Variants in LARGE1 observed in about 807,000 individuals in gnomAD.
The protein encoded by LARGE1 is LARGE xylosyl- and glucuronyltransferase 1, also known as xylosyl- and glucuronyltransferase LARGE1.
Under a neutral mutation model 87.6 loss-of-function variants are expected in LARGE1, and 43 were observed. The ratio of observed to expected loss-of-function variants is 0.49; its 90% CI spans 0.38 to 0.63. The LOEUF (loss-of-function observed/expected upper bound fraction) is 0.63, where lower values mean the gene tolerates loss of function less well. Among genes scored for constraint, LARGE1 ranks in the 30% least tolerant of loss-of-function variants. The pLI is 0.00. For synonymous variants in LARGE1, 434 were observed against 394.6 expected, an observed-to-expected ratio of 1.10 and a Z score of -1.18; for missense variants, 802 against 1,000.2, an observed-to-expected ratio of 0.80 and a Z score of 2.67.
At chr22:33,504,470 G>A (rs2070669465) in intron 6 of LARGE1, among the ~76,000 whole-genome samples, 1 of 152,216 alleles carries the variant, frequency 6.6e-6, no homozygotes, top group Non-Finnish European at 1.5e-5. Flanking sequence ...ACGTCGGCCA[G>A]GCTGGTCTCA....
At chr22:33,486,696 T>TA (rs1328825480) in intron 6 of LARGE1, among the ~76,000 whole-genome samples, 1 of 152,208 alleles carries the variant, frequency 6.6e-6, no homozygotes. Context: ...CTTTGGCAAC[T>TA]GTCACACTTC....
chr22:33,503,906 A>G (rs903611839), intron 6 of LARGE1, among the ~76,000 whole-genome samples: 1 of 152,214 alleles, frequency 6.6e-6, no homozygotes, highest in African/African-American at 2.4e-5. Flanking sequence ...GGATAAACAA[A>G]ATGTGGTTTA....
chr22:33,759,695 C>A (rs1175332614), intron 2 of LARGE1, among the ~76,000 whole-genome samples: 3 of 152,118 alleles, frequency 2.0e-5, no homozygotes, highest in African/African-American at 7.2e-5. Flanking sequence ...AGTCAATGTT[C>A]TACTTATTAA....
intron 4 of LARGE1, among the ~76,000 whole-genome samples, chr22:33,614,012 T>A (rs1178395068): frequency 2.0e-5 from 3 of 151,926 alleles, no homozygotes; most frequent in Admixed American, 2.0e-4. Flanking sequence ...ACACACTCAA[T>A]CAACCTCAAG....
intron 13 of LARGE1, among the ~76,000 whole-genome samples, chr22:33,278,553 T>TCTCACACA (rs1304691630): frequency 0.024 from 3,557 of 148,710 alleles, 40 homozygotes; most frequent in Admixed American, 0.026. Flanking sequence ...TCTCTCTCTC[T>TCTCACACA]CACACACACA....
intron 4 of LARGE1, among the ~76,000 whole-genome samples, chr22:33,605,142 C>T (rs1259653306): frequency 6.6e-6 from 1 of 151,968 alleles, no homozygotes; most frequent in Non-Finnish European, 1.5e-5. Flanking sequence ...TAGACCACTT[C>T]CAGGTTGTAT....
chr22:33,812,065 AG>A (rs1357698209), intron 1 of LARGE1, among the ~76,000 whole-genome samples: 1 of 152,246 alleles, frequency 6.6e-6, no homozygotes, highest in Non-Finnish European at 1.5e-5. Flanking sequence ...ATGCATTAAA[AG>A]GGACTACTGG....
the LARGE1 span, among the ~76,000 whole-genome samples, chr22:33,121,402 T>A: frequency 1.3e-5 from 2 of 152,238 alleles, no homozygotes; most frequent in African/African-American, 2.4e-5. Flanking sequence ...GGGTTAAGAA[T>A]GCCTGTTGTG....
intron 11 of LARGE1, among the ~76,000 whole-genome samples, chr22:33,188,186 C>T (rs1424315798): frequency 1.3e-5 from 2 of 151,826 alleles, no homozygotes; most frequent in Admixed American, 6.6e-5. Flanking sequence ...TAAATAAATA[C>T]TCTTGTTCAT....
At chr22:33,560,837 CAG>C (rs2077834265) in intron 6 of LARGE1, among the ~76,000 whole-genome samples, 1 of 147,804 alleles carries the variant, frequency 6.8e-6, no homozygotes, top group African/African-American at 2.5e-5. Flanking sequence ...TTTTTTGAGA[CAG>C]AGTCTTGCTC....
chr22:33,102,678 A>G, the LARGE1 span, among the ~76,000 whole-genome samples: 1 of 151,832 alleles, frequency 6.6e-6, no homozygotes, highest in Non-Finnish European at 1.5e-5. Context: ...TTTAGTAGAG[A>G]CGGGGTTTCG....
At chr22:33,912,692 C>A (rs1410738790) in intron 1 of LARGE1, among the ~76,000 whole-genome samples, 1 of 152,044 alleles carries the variant, frequency 6.6e-6, no homozygotes, top group East Asian at 1.9e-4. Flanking sequence ...ACCTCTGAAG[C>A]CTTAAACGCC....
rs541194417 is a variant in LARGE1 at position 33,483,024 on chromosome 22, C to T, written c.788-50759G>A. Among the ~76,000 whole-genome samples the T allele has an allele frequency of 1.2e-4, 19 of 152,292 alleles. 1 individual carries two copies. In the South Asian group the frequency reaches 2.7e-3, roughly 22 times the overall value. On this transcript the variant is annotated intron_variant, in intron 6 of 14. Transcript: ENST00000397394. ...GGAAGCAAACCAACCAATGTAGCTC[C>T]GGAAACCTCTGCCGTGTATCTTCAT... is the stretch of plus-strand genomic sequence containing the variant.
At chr22:33,810,874 C>A (rs1461564252) in intron 1 of LARGE1, among the ~76,000 whole-genome samples, 1 of 152,120 alleles carries the variant, frequency 6.6e-6, no homozygotes. Flanking sequence ...CAGGTGTGCG[C>A]CACCGTGCCT....
intron 11 of LARGE1, among the ~76,000 whole-genome samples, chr22:33,220,370 C>T (rs986991273): frequency 2.6e-5 from 4 of 151,360 alleles, no homozygotes; most frequent in African/African-American, 9.7e-5. Flanking sequence ...TTGTTTAAAA[C>T]GTGAAAAAAA....
downstream of LARGE1, among the ~76,000 whole-genome samples, chr22:33,268,385 C>T (rs1928065778): frequency 6.7e-6 from 1 of 150,242 alleles, no homozygotes; most frequent in Admixed American, 6.6e-5. Context: ...ACACAAAAAG[C>T]ATTTCAACTG....
At chr22:33,630,070 G>A (rs934022000) in intron 3 of LARGE1, among the ~76,000 whole-genome samples, 2 of 152,122 alleles carry the variant, frequency 1.3e-5, no homozygotes, top group African/African-American at 4.8e-5. Flanking sequence ...GTGGTGGCGT[G>A]TGCCTATAAT....
chr22:33,680,333 C>A (rs180738694), intron 2 of LARGE1, among the ~76,000 whole-genome samples: 4 of 151,980 alleles, frequency 2.6e-5, no homozygotes, highest in Non-Finnish European at 5.9e-5. Context: ...GGGCTCGGGG[C>A]GGGTGCAGAA....
At chr22:33,727,213 G>A (rs2083298345) in intron 2 of LARGE1, among the ~76,000 whole-genome samples, 1 of 152,150 alleles carries the variant, frequency 6.6e-6, no homozygotes, top group Admixed American at 6.5e-5. Flanking sequence ...CTGTTAACAA[G>A]AATCAAGAAA....
Sources: gnomAD v4.1 joint callset for allele counts (sites outside exome capture counted in the v4.1 genomes callset) on GRCh38, gnomAD v4.1.1 for gene constraint, MANE v1.5 for transcripts, NCBI Gene and HGNC (gene_info 2026-07-23, HGNC 2026-07-21) for gene names.